DAB1: variants seen among roughly 807,000 people sequenced by gnomAD.
DAB1 encodes disabled homolog 1.
Under a neutral mutation model 64.6 loss-of-function variants are expected in DAB1, and 15 were observed. The observed-to-expected ratio is 0.23, with a 90% CI of 0.16 to 0.36. The LOEUF (loss-of-function observed/expected upper bound fraction) is 0.36. Ranked by LOEUF, DAB1 falls within the 10% of genes least tolerant of loss-of-function variation. The pLI is 1.00. For synonymous variants in DAB1, 235 were observed against 251.9 expected, an observed-to-expected ratio of 0.93 and a Z score of 0.64; for missense variants, 596 against 706.7, an observed-to-expected ratio of 0.84 and a Z score of 1.78.
intron 2 of DAB1, among the ~76,000 whole-genome samples, chr1:57,256,150 C>T (rs928470585): frequency 8.5e-5 from 13 of 152,170 alleles, no homozygotes; most frequent in Admixed American, 3.9e-4. Context: ...TCCAAATTAA[C>T]GGCTAATCTC....
At chr1:57,013,603 A>T (rs1483093662) in intron 12 of DAB1, among the ~76,000 whole-genome samples, 2 of 152,124 alleles carry the variant, frequency 1.3e-5, no homozygotes, top group African/African-American at 4.8e-5. Flanking sequence ...GCACAATCTA[A>T]TTGTATTAAC....
chr1:57,216,967 T>C (rs1666473520), intron 2 of DAB1, among the ~76,000 whole-genome samples: 2 of 152,186 alleles, frequency 1.3e-5, no homozygotes, highest in African/African-American at 4.8e-5. Flanking sequence ...TTTTATTCAT[T>C]CAACAGCTAT....
chr1:57,911,000 T>C (rs1644635940), intron 5 of DAB1, among the ~76,000 whole-genome samples: 1 of 152,234 alleles, frequency 6.6e-6, no homozygotes, highest in African/African-American at 2.4e-5. Flanking sequence ...TACTTAGAAA[T>C]ATGTAGGAGC....
chr1:57,438,365 T>C (rs114830421), intron 7 of DAB1, among the ~76,000 whole-genome samples: 96 of 152,228 alleles, frequency 6.3e-4, no homozygotes, highest in African/African-American at 2.2e-3. Context: ...ATAGGGTGGG[T>C]AAGGCTTGGA....
intron 3 of DAB1, among the ~76,000 whole-genome samples, chr1:58,474,176 C>A (rs1329974774): frequency 2.0e-5 from 3 of 152,120 alleles, no homozygotes; most frequent in Non-Finnish European, 4.4e-5. Flanking sequence ...AGCCAGCTTG[C>A]AGCACAATGG....
intron 2 of DAB1, among the ~76,000 whole-genome samples, chr1:57,180,301 T>C (rs1325121056): frequency 6.6e-6 from 1 of 152,208 alleles, no homozygotes; most frequent in Non-Finnish European, 1.5e-5. Flanking sequence ...TGCAGACTGT[T>C]TTGGCTAGTA....
At chr1:57,123,922 A>G (rs908761893) in intron 4 of DAB1, among the ~76,000 whole-genome samples, 8 of 152,154 alleles carry the variant, frequency 5.3e-5, no homozygotes, top group Admixed American at 4.6e-4. Context: ...CATAATTTGC[A>G]GTTTTTTTCT....
intron 7 of DAB1, among the ~76,000 whole-genome samples, chr1:57,547,014 C>A (rs1213692545): frequency 4.0e-5 from 6 of 151,246 alleles, no homozygotes; most frequent in South Asian, 2.1e-4. Context: ...GAAAACAAAA[C>A]ACAAAAAAGG....
At chr1:57,213,865 C>T (rs938363279) in intron 2 of DAB1, among the ~76,000 whole-genome samples, 2 of 152,254 alleles carry the variant, frequency 1.3e-5, no homozygotes, top group East Asian at 3.9e-4. Context: ...GGTCTTCTTT[C>T]CCTATAAAAT....
intron 4 of DAB1, among the ~76,000 whole-genome samples, chr1:58,171,011 G>T (rs991442331): frequency 4.0e-5 from 6 of 151,382 alleles, no homozygotes; most frequent in African/African-American, 1.5e-4. Context: ...AGGAATCCTG[G>T]GACAGCCTCT....
In DAB1 at chr1:57,359,580, A is replaced by G. The variant is rs1679384548; in HGVS notation, c.-137+64350T>C. On this transcript the variant is annotated intron_variant, in intron 1 of 14. Transcript: ENST00000371236. ...AACTACCATATGATCCAGCAATCTC[A>G]CCACTGGAATTATATGCAAAGGAAA... 2.0e-5 allele frequency among the ~76,000 whole-genome samples: 3 copies of G among 152,148 alleles called. No individual in the cohort carries two copies. The South Asian group carries it at 6.2e-4, about 32-fold the overall frequency.
In DAB1 at chr1:58,361,863, C is replaced by CTTTTTTTTT. The variant is rs34029239; in HGVS notation, n.258-18469_258-18461dup. The stretch of plus-strand genomic sequence containing the variant: ...TAACATCCCACCATCAAAGATCCCC[C>CTTTTTTTTT]TTTTTTTTTTTTTTTTTTTTTTTTG... On this transcript the variant is annotated intron_variant and non_coding_transcript_variant, in intron 3 of 20. Transcript: ENST00000485760. Among the ~76,000 whole-genome samples, 17 of 84,044 alleles carry CTTTTTTTTT rather than the reference C, an allele frequency of 2.0e-4. 1 individual carries two copies. The highest frequency in any genetic ancestry group is 4.1e-4 in the East Asian group (1 of 2,434). 55.1% of individuals were successfully genotyped at this position (84,044 alleles called of 152,430 possible). A position where few individuals can be genotyped will look rare whatever the true frequency, so the allele number is the denominator to read the frequency against.
chr1:57,622,309 T>C (rs1030787224), intron 7 of DAB1, among the ~76,000 whole-genome samples: 4 of 152,096 alleles, frequency 2.6e-5, no homozygotes, highest in Non-Finnish European at 2.9e-5. Context: ...CTGCAAACCT[T>C]GACATTACCC....
chr1:57,283,723 C>T, intron 2 of DAB1, among the ~76,000 whole-genome samples: 1 of 152,136 alleles, frequency 6.6e-6, no homozygotes, highest in East Asian at 1.9e-4. Context: ...AAGCAAACAC[C>T]CTGAGATGTT....
chr1:58,146,113 A>G (rs1654577447), intron 5 of DAB1, among the ~76,000 whole-genome samples: 1 of 152,194 alleles, frequency 6.6e-6, no homozygotes, highest in Non-Finnish European at 1.5e-5. Flanking sequence ...TCCATATAAC[A>G]TACTAAATTT....
At chr1:58,238,201 T>C (rs1421334586) in intron 4 of DAB1, among the ~76,000 whole-genome samples, 1 of 152,184 alleles carries the variant, frequency 6.6e-6, no homozygotes, top group East Asian at 1.9e-4. Flanking sequence ...ACCAAGGGTC[T>C]CTATGTGCTA....
chr1:57,066,826 G>A (rs770764792), intron 8 of DAB1, among the ~76,000 whole-genome samples: 8 of 152,154 alleles, frequency 5.3e-5, no homozygotes, highest in Middle Eastern at 3.2e-3. Flanking sequence ...CATAGCCCAG[G>A]AAATTGAGAT....
intron 5 of DAB1, among the ~76,000 whole-genome samples, chr1:58,017,932 T>C (rs576485531): frequency 6.4e-4 from 98 of 152,324 alleles, no homozygotes; most frequent in African/African-American, 2.2e-3. Context: ...CTTGGCACTT[T>C]AATGTAACTT....
chr1:57,120,485 C>A (rs1570729037), intron 4 of DAB1, among the ~76,000 whole-genome samples: 1 of 152,060 alleles, frequency 6.6e-6, no homozygotes, highest in Admixed American at 6.6e-5. Flanking sequence ...CCATTTTTAC[C>A]ATTTTAAGTG....
Sources: allele counts gnomAD v4.1 joint callset (sites outside exome capture counted in the v4.1 genomes callset), GRCh38; gene constraint gnomAD v4.1.1; transcripts MANE v1.5; gene names NCBI Gene and HGNC (gene_info 2026-07-23, HGNC 2026-07-21).